Variants in CNTNAP2 observed in about 807,000 individuals in gnomAD.
CNTNAP2 encodes the protein contactin-associated protein-like 2.
A neutral mutation model predicts 155.2 loss-of-function variants in CNTNAP2; 98 were observed. The observed-to-expected ratio is 0.63, with a 90% CI of 0.54 to 0.75. The LOEUF is 0.75. Ranked by LOEUF, CNTNAP2 falls within the 30% of genes least tolerant of loss-of-function variation. The pLI, the probability that CNTNAP2 is intolerant of heterozygous loss-of-function variation, is 0.00. For synonymous variants in CNTNAP2, 651 were observed against 631.2 expected, an observed-to-expected ratio of 1.03 and a Z score of -0.47; for missense variants, 1,727 against 1,688.1, an observed-to-expected ratio of 1.02 and a Z score of -0.40.
chr7:146,987,562 A>C (rs1798134788), intron 3 of CNTNAP2, among the ~76,000 whole-genome samples: 1 of 152,130 alleles, frequency 6.6e-6, no homozygotes, highest in African/African-American at 2.4e-5. Context: ...GCAAAACTTC[A>C]AATTAGTCTA....
Position 147,757,783 on chromosome 7 carries a change from A to G in CNTNAP2, c.2098+118477A>G, listed in dbSNP as rs532616081. On this transcript the variant is annotated intron_variant, in intron 13 of 23. Transcript: ENST00000361727. ...TGGACCAAGAGCTGGGTTCAGTCAC[A>G]TATTGTAAACAATCAAAAGCTAACT... Among the ~76,000 whole-genome samples the G allele has an allele frequency of 6.6e-5, 10 of 152,308 alleles. No individual in the cohort carries two copies. In the South Asian group the frequency reaches 2.1e-3, roughly 32 times the overall value.
intron 1 of CNTNAP2, among the ~76,000 whole-genome samples, chr7:146,630,799 G>A (rs1378777535): frequency 1.3e-5 from 2 of 151,894 alleles, no homozygotes; most frequent in Non-Finnish European, 2.9e-5. Context: ...CAAATCATGA[G>A]TGATCACAAT....
At chr7:146,558,416 T>A (rs978339717) in intron 1 of CNTNAP2, among the ~76,000 whole-genome samples, 12 of 152,136 alleles carry the variant, frequency 7.9e-5, no homozygotes, top group Admixed American at 2.6e-4. Flanking sequence ...ACTTTTTTTT[T>A]AACCACTTTA....
chr7:146,186,749 T>C (rs1333433814), intron 1 of CNTNAP2, among the ~76,000 whole-genome samples: 1 of 152,186 alleles, frequency 6.6e-6, no homozygotes, highest in Non-Finnish European at 1.5e-5. Flanking sequence ...GATTTATTTT[T>C]GTATTGTGGA....
intron 8 of CNTNAP2, among the ~76,000 whole-genome samples, chr7:147,147,152 G>C (rs1260040198): frequency 6.6e-6 from 1 of 152,136 alleles, no homozygotes; most frequent in African/African-American, 2.4e-5. Flanking sequence ...GCAGAAGAAA[G>C]AGAGTGAGTA....
Position 146,677,060 on chromosome 7 carries a change from G to T in CNTNAP2, c.98-97211G>T, listed in dbSNP as rs534025800. Among the ~76,000 whole-genome samples, 76 of 152,182 alleles carry T rather than the reference G, an allele frequency of 5.0e-4. 1 individual carries two copies. The highest frequency in any genetic ancestry group is 6.3e-3 in the Middle Eastern group (2 of 316). On this transcript the variant is annotated intron_variant, in intron 1 of 23. Coordinates refer to ENST00000361727, the MANE Select transcript of CNTNAP2 (RefSeq NM_014141.6). ...GTCCTGAGAACATGTGCCCAAGGTG[G>T]TTGGGCTACAACTTGGTTTTATACA...
intron 15 of CNTNAP2, among the ~76,000 whole-genome samples, chr7:148,097,735 G>A (rs1175958817): frequency 6.6e-6 from 1 of 152,154 alleles, no homozygotes; most frequent in East Asian, 1.9e-4. Context: ...GCCCTCCTCG[G>A]CTGTTAGAGT....
In CNTNAP2 at chr7:146,748,123, G is replaced by GTTTTC. The variant is rs1198174429; in HGVS notation, c.98-26128_98-26124dup. On this transcript the variant is annotated intron_variant, in intron 1 of 23. Transcript: ENST00000361727. ...AGTAGTTTGTCCAGATCTATGTGGT[G>GTTTTC]TTTTCTTTTCTTTTCTTTTCTTTTT... is the stretch of plus-strand genomic sequence containing the variant. 4.3e-3 allele frequency among the ~76,000 whole-genome samples: 573 copies of GTTTTC among 132,302 alleles called. 16 individuals carry two copies. The highest frequency in any genetic ancestry group is 0.015 in the South Asian group (59 of 3,970). The allele number at this position is 132,302 out of a possible 152,430, so 86.8% of individuals were successfully genotyped here. A position where few individuals can be genotyped will look rare whatever the true frequency, so the allele number is the denominator to read the frequency against.
intron 15 of CNTNAP2, among the ~76,000 whole-genome samples, chr7:148,110,893 C>G (rs375456580): frequency 6.6e-6 from 1 of 152,216 alleles, no homozygotes; most frequent in African/African-American, 2.4e-5. Context: ...TGACCCCTCT[C>G]CTTAGCCTTC....
intron 1 of CNTNAP2, among the ~76,000 whole-genome samples, chr7:146,498,900 A>G (rs1797258774): frequency 6.6e-6 from 1 of 152,196 alleles, no homozygotes; most frequent in Admixed American, 6.5e-5. Context: ...GTGTTAATCT[A>G]GCCAAACACA....
chr7:146,439,688 G>A (rs544210847), intron 1 of CNTNAP2, among the ~76,000 whole-genome samples: 1 of 151,400 alleles, frequency 6.6e-6, no homozygotes, highest in African/African-American at 2.4e-5. Context: ...TATATATATG[G>A]GAGCAGAATG....
At chr7:146,483,589 A>C (rs945879454) in intron 1 of CNTNAP2, among the ~76,000 whole-genome samples, 7 of 150,768 alleles carry the variant, frequency 4.6e-5, no homozygotes, top group African/African-American at 1.7e-4. Context: ...GTTCTTAAAA[A>C]TAGTTTATAG....
chr7:147,154,187 C>T (rs960312899), intron 8 of CNTNAP2, among the ~76,000 whole-genome samples: 45 of 151,802 alleles, frequency 3.0e-4, no homozygotes, highest in Non-Finnish European at 5.9e-5. Flanking sequence ...AGTTTCTATG[C>T]ATTGGTAAAG....
chr7:148,180,923 C>T (rs1378109760), intron 18 of CNTNAP2, among the ~76,000 whole-genome samples: 1 of 152,140 alleles, frequency 6.6e-6, no homozygotes. Context: ...GAGCTACCCT[C>T]AATGTGGGAA....
chr7:147,548,699 G>A (rs1217166982), intron 11 of CNTNAP2, among the ~76,000 whole-genome samples: 4 of 152,224 alleles, frequency 2.6e-5, no homozygotes, highest in African/African-American at 9.6e-5. Flanking sequence ...TGTCCTGAAT[G>A]GTATTGCATA....
At chr7:148,062,937 A>C (rs890393896) in intron 15 of CNTNAP2, among the ~76,000 whole-genome samples, 17 of 152,274 alleles carry the variant, frequency 1.1e-4, no homozygotes, top group Admixed American at 2.6e-4. Context: ...ACAAATAATC[A>C]ATACAAGAAA....
In CNTNAP2 at chr7:146,338,592, T is replaced by G. The variant is rs564699363; in HGVS notation, c.97+221619T>G. ...TTTTCCTCCTCTTCCATGCTTCACC[T>G]CCACTCCCCTTACCTAGTTAATACC... On this transcript the variant is annotated intron_variant, in intron 1 of 23. Transcript: ENST00000361727. 5.9e-5 allele frequency among the ~76,000 whole-genome samples: 9 copies of G among 152,198 alleles called. No homozygotes were observed. In the South Asian group the frequency reaches 1.9e-3, roughly 32 times the overall value.
At chr7:148,175,695 A>G (rs190813939) in intron 18 of CNTNAP2, among the ~76,000 whole-genome samples, 13 of 152,216 alleles carry the variant, frequency 8.5e-5, no homozygotes, top group Non-Finnish European at 2.9e-5. Flanking sequence ...TTGGGACCCA[A>G]AATAGCCCAG....
chr7:147,636,166 C>T (rs1011513303), intron 12 of CNTNAP2, among the ~76,000 whole-genome samples: 17 of 152,212 alleles, frequency 1.1e-4, no homozygotes, highest in African/African-American at 3.9e-4. Flanking sequence ...AAAGGTAAAA[C>T]TGGAATATAT....
Sources: allele counts gnomAD v4.1 joint callset (sites outside exome capture counted in the v4.1 genomes callset), GRCh38; gene constraint gnomAD v4.1.1; transcripts MANE v1.5; gene names NCBI Gene and HGNC (gene_info 2026-07-23, HGNC 2026-07-21).